Variants in RBM19 observed in about 807,000 individuals in gnomAD.
RBM19 encodes the protein probable RNA-binding protein 19.
A neutral mutation model predicts 116.8 loss-of-function variants in RBM19; 94 were observed. The ratio of observed to expected loss-of-function variants is 0.80; its 90% CI spans 0.68 to 0.95. The LOEUF (loss-of-function observed/expected upper bound fraction) is 0.95, where lower values mean the gene tolerates loss of function less well. Among genes scored for constraint, RBM19 ranks in the 40% least tolerant of loss-of-function variants. The pLI, the probability that RBM19 is intolerant of heterozygous loss-of-function variation, is 0.00. For synonymous variants in RBM19, 475 were observed against 494.1 expected (o/e 0.96, Z 0.51); for missense variants, 1,161 against 1,220.7 (o/e 0.95, Z 0.73).
chr12:113,953,201 T>C (rs934692303), intron 7 of RBM19, among the ~76,000 whole-genome samples: 2 of 152,228 alleles, frequency 1.3e-5, no homozygotes, highest in Non-Finnish European at 2.9e-5. Flanking sequence ...AAAGAGAAGA[T>C]ATATTGGCCA....
chr12:113,918,127 T>C (rs909486972), intron 20 of RBM19, among the ~76,000 whole-genome samples: 1 of 140,634 alleles, frequency 7.1e-6, no homozygotes, highest in African/African-American at 2.6e-5. Context: ...TTCCTTTTCT[T>C]ATTAAAAAAA....
chr12:113,937,495 T>A (rs1870174878), intron 15 of RBM19, among the ~76,000 whole-genome samples: 1 of 152,074 alleles, frequency 6.6e-6, no homozygotes, highest in Non-Finnish European at 1.5e-5. Flanking sequence ...AAAGTGCAGC[T>A]CTCCAGGAGG....
chr12:113,943,676 A>G (rs1018641730), intron 13 of RBM19, among the ~76,000 whole-genome samples: 1 of 152,064 alleles, frequency 6.6e-6, no homozygotes, highest in African/African-American at 2.4e-5. Context: ...ATACAAAATT[A>G]GCCAGGCATG....
At chr12:113,951,042 C>T (rs543936730) in intron 8 of RBM19, among the ~76,000 whole-genome samples, 1 of 152,244 alleles carries the variant, frequency 6.6e-6, no homozygotes, top group East Asian at 1.9e-4. Flanking sequence ...TCCCAGGGGC[C>T]CCTGCATCCA....
At chr12:113,859,579 G>C (rs1407065689) in intron 21 of RBM19, among the ~76,000 whole-genome samples, 1 of 152,058 alleles carries the variant, frequency 6.6e-6, no homozygotes, top group Non-Finnish European at 1.5e-5. Context: ...GATCAAACTG[G>C]TAACCACGGC....
chr12:113,922,561 T>A (rs1593590395), intron 18 of RBM19, among the ~76,000 whole-genome samples: 2 of 151,548 alleles, frequency 1.3e-5, no homozygotes, highest in African/African-American at 2.4e-5. Flanking sequence ...CTCCACCTGC[T>A]GGCCTGGGTG....
At chr12:113,953,209 C>A (rs1403506163) in intron 7 of RBM19, among the ~76,000 whole-genome samples, 1 of 152,228 alleles carries the variant, frequency 6.6e-6, no homozygotes, top group Non-Finnish European at 1.5e-5. Flanking sequence ...GATATATTGG[C>A]CAGGTGCGGT....
intron 21 of RBM19, among the ~76,000 whole-genome samples, chr12:113,861,781 G>A (rs905127277): frequency 2.6e-5 from 4 of 152,138 alleles, no homozygotes; most frequent in African/African-American, 9.7e-5. Context: ...GTTCAGCAGG[G>A]AAAGCTGGGA....
intron 2 of RBM19, 141 bp downstream of exon 2, chr12:113,962,091 G>T: frequency 4.9e-6 from 5 of 1,022,396 alleles, no homozygotes; most frequent in Non-Finnish European, 7.2e-6. Flanking sequence ...GTATGCACAT[G>T]AAAGTGTGTG....
chr12:113,925,330 G>C (rs1868970564), intron 17 of RBM19, among the ~76,000 whole-genome samples: 1 of 152,196 alleles, frequency 6.6e-6, no homozygotes. Flanking sequence ...GGAGAAACTT[G>C]AGAAACAAAC....
At chr12:113,828,879 C>T (rs933115946) in intron 23 of RBM19, among the ~76,000 whole-genome samples, 1 of 152,176 alleles carries the variant, frequency 6.6e-6, no homozygotes, top group African/African-American at 2.4e-5. Flanking sequence ...TCTCAGGGCT[C>T]TGTGTACAGC....
chr12:113,924,801 T>C, intron 17 of RBM19, 44 bp from the exon 18 acceptor site: 2 of 1,495,168 alleles, frequency 1.3e-6, no homozygotes, highest in Non-Finnish European at 1.9e-6. Flanking sequence ...TCTAAACCAC[T>C]ATGCAGGCAA....
chr12:113,896,487 A>G (rs1405914646), intron 21 of RBM19, among the ~76,000 whole-genome samples: 1 of 152,216 alleles, frequency 6.6e-6, no homozygotes, highest in Non-Finnish European at 1.5e-5. Context: ...CTTGCCAGGA[A>G]CACTGGGAGG....
chr12:113,850,817 T>C (rs1877386445), intron 22 of RBM19, among the ~76,000 whole-genome samples: 1 of 152,214 alleles, frequency 6.6e-6, no homozygotes, highest in Non-Finnish European at 1.5e-5. Flanking sequence ...GCTGCATCTC[T>C]CAGCAGACGA....
intron 21 of RBM19, among the ~76,000 whole-genome samples, chr12:113,881,089 G>T (rs939305025): frequency 6.6e-6 from 1 of 152,150 alleles, no homozygotes; most frequent in Non-Finnish European, 1.5e-5. Flanking sequence ...TGCCTGAACT[G>T]GGGCGCTGCT....
Position 113,937,143 on chromosome 12 carries a change from A to T in RBM19, c.1939-7T>A. ...AGAGGGGGACATGATGGAACTGCAGAGACAAGAGTGATGGCCCTGTGGGTC... is the reference window on the plus strand; with the variant it reads ...AGAGGGGGACATGATGGAACTGCAGTGACAAGAGTGATGGCCCTGTGGGTC... On this transcript the variant is annotated splice_polypyrimidine_tract_variant and splice_region_variant and intron_variant, in intron 15 of 23. Coordinates refer to ENST00000261741, the MANE Select transcript of RBM19 (RefSeq NM_016196.4). 6.2e-7 allele frequency: 1 copy of T among 1,613,952 alleles called. No individual in the cohort carries two copies. The highest frequency in any genetic ancestry group is 8.5e-7 in the Non-Finnish European group (1 of 1,179,936).
chr12:113,889,887 A>AG (rs1193557575), intron 21 of RBM19, among the ~76,000 whole-genome samples: 10 of 148,094 alleles, frequency 6.8e-5, no homozygotes, highest in East Asian at 2.3e-4. Flanking sequence ...AATCAAGCTG[A>AG]GGGGGAAAAA....
chr12:113,836,508 TG>T (rs1388126837), intron 23 of RBM19, among the ~76,000 whole-genome samples: 1 of 151,888 alleles, frequency 6.6e-6, no homozygotes, highest in Non-Finnish European at 1.5e-5. Flanking sequence ...GGGGAGGGGC[TG>T]GGGGGTTTAC....
At chr12:113,838,790 A>T (rs1876185728) in intron 23 of RBM19, among the ~76,000 whole-genome samples, 3 of 152,186 alleles carry the variant, frequency 2.0e-5, no homozygotes, top group Non-Finnish European at 4.4e-5. Context: ...CCCAGGGAAG[A>T]TGAGGCCAGT....
Sources: gnomAD v4.1 joint callset for allele counts (sites outside exome capture counted in the v4.1 genomes callset) on GRCh38, gnomAD v4.1.1 for gene constraint, MANE v1.5 for transcripts, NCBI Gene and HGNC (gene_info 2026-07-23, HGNC 2026-07-21) for gene names.